ARHGAP21: variants seen among roughly 807,000 people sequenced by gnomAD.
ARHGAP21 encodes Rho GTPase activating protein 21.
ARHGAP21 carries 38 observed loss-of-function variants against 164.6 expected under a neutral mutation model. The observed-to-expected ratio is 0.23, with a 90% CI of 0.18 to 0.30. The LOEUF (loss-of-function observed/expected upper bound fraction) is 0.30, where lower values mean the gene tolerates loss of function less well. Among genes scored for constraint, ARHGAP21 ranks in the 10% least tolerant of loss-of-function variants. The probability of loss-of-function intolerance (pLI) is 1.00; values close to 1 mark genes in which losing one functional copy is unlikely to be tolerated. For synonymous variants in ARHGAP21, 766 were observed against 857.9 expected, an observed-to-expected ratio of 0.89 and a Z score of 1.87; for missense variants, 1,822 against 2,370.7, an observed-to-expected ratio of 0.77 and a Z score of 4.81.
Position 24,584,024 on chromosome 10 carries a change from CTAATTT to C in ARHGAP21, c.*382_*387del, listed in dbSNP as rs1343572274. ...CGTTTATTCAATGTAAGTAAGTTAT[CTAATTT>C]TAACAATATGGCACCCTAAAAACCA... On this transcript the variant is annotated 3_prime_UTR_variant, in exon 26 of 26. Transcript: ENST00000396432. The C allele has an allele frequency of 3.9e-5, 6 of 152,774 alleles. No homozygotes were observed. Among genetic ancestry groups the C allele is most frequent in the African/African-American group, 1.4e-4 (6 of 41,416 alleles). The allele number at this position is 152,774 out of a possible 1,614,324, so 9.5% of individuals were successfully genotyped here. A position where few individuals can be genotyped will look rare whatever the true frequency, so the allele number is the denominator to read the frequency against.
At chr10:24,710,647 A>AT (rs1294064885) in intron 2 of ARHGAP21, among the ~76,000 whole-genome samples, 1 of 152,206 alleles carries the variant, frequency 6.6e-6, no homozygotes, top group Non-Finnish European at 1.5e-5. Context: ...TGTTTGTTGA[A>AT]TTTGTTAATA....
Position 24,670,372 on chromosome 10 carries a change from T to G in ARHGAP21, c.89A>C (p.Glu30Ala). The change falls in exon 3 of 26, where the codon GAA (glutamate) becomes GCA (alanine). Residue 30 changes from glutamate to alanine, a missense_variant. This residue lies in a region of ARHGAP21 where 1,090 missense variants were observed against 1,378.9 expected (regional missense o/e 0.79). Transcript: ENST00000396432. ...AGACAGTGATACAGTTTCACTTTGT[T>G]CTTTTCCATCTTTATTTTTTGAGAC... Reference protein sequence around the residue: ...CEVSKNKDGKEQSETVSLSED... With the variant: ...CEVSKNKDGKAQSETVSLSED... The G allele has an allele frequency of 6.3e-7, 1 of 1,595,266 alleles. No homozygotes were observed. Among genetic ancestry groups the G allele is most frequent in the Admixed American group, 1.7e-5 (1 of 58,424 alleles).
chr10:24,588,478 A>G (rs922708686), intron 25 of ARHGAP21, among the ~76,000 whole-genome samples: 2 of 135,978 alleles, frequency 1.5e-5, no homozygotes, highest in South Asian at 4.8e-4. Context: ...GATAAACATC[A>G]CAAGTAATAG....
At chr10:24,681,634 T>C (rs1465629975) in intron 2 of ARHGAP21, among the ~76,000 whole-genome samples, 2 of 152,026 alleles carry the variant, frequency 1.3e-5, no homozygotes, top group African/African-American at 2.4e-5. Flanking sequence ...TTGGAAAGCA[T>C]TTTGTCTTTT....
intron 2 of ARHGAP21, among the ~76,000 whole-genome samples, chr10:24,687,323 C>A (rs1842306731): frequency 6.6e-6 from 1 of 152,202 alleles, no homozygotes; most frequent in Non-Finnish European, 1.5e-5. Flanking sequence ...TAGTGCCCAA[C>A]ACAAAACCTG....
rs959404016 is a variant in ARHGAP21 at position 24,607,772 on chromosome 10, T to G, written c.2554A>C (p.Ile852Leu). 1 of 1,614,018 alleles carries G rather than the reference T, an allele frequency of 6.2e-7. No individual in the cohort carries two copies. The highest frequency in any genetic ancestry group is 8.5e-7 in the Non-Finnish European group (1 of 1,179,998). ...TGGTCATGTGAGAGCTGACGGCGAA[T>G]TAATGGAGCTGAAGTTGTGAGGCAA... ...PPCLTTSAPL[I>L]RRQLSHDHES... Residue 852 changes from isoleucine (I) to leucine (L), a missense_variant, in exon 10 of 26, where the codon ATT becomes CTT. Around this residue, in one of 5 missense-constraint regions of ARHGAP21, gnomAD observed 1,090 missense variants for 1,378.9 expected, o/e 0.79. Transcript: ENST00000396432.
intron 4 of ARHGAP21, among the ~76,000 whole-genome samples, chr10:24,637,383 C>CTA (rs1421380687): frequency 6.6e-6 from 1 of 152,210 alleles, no homozygotes; most frequent in Non-Finnish European, 1.5e-5. Flanking sequence ...GAAAAAACAT[C>CTA]TATCTTCTTG....
At chr10:24,617,319 ATTG>A (rs1306635786) in intron 9 of ARHGAP21, among the ~76,000 whole-genome samples, 1 of 152,178 alleles carries the variant, frequency 6.6e-6, no homozygotes, top group African/African-American at 2.4e-5. Flanking sequence ...ATCTGATTAT[ATTG>A]TTGTTATTAT....
At chr10:24,622,791 A>C (rs768054410) in intron 7 of ARHGAP21, 29 bp from the exon 8 acceptor site, 4 of 1,602,482 alleles carry the variant, frequency 2.5e-6, no homozygotes, top group Non-Finnish European at 2.6e-6. Context: ...ACATAGTAGA[A>C]GCTGCTTACT....
chr10:24,715,381 T>C (rs1845266373), intron 2 of ARHGAP21, among the ~76,000 whole-genome samples: 1 of 152,174 alleles, frequency 6.6e-6, no homozygotes, highest in African/African-American at 2.4e-5. Flanking sequence ...ATAAGGAACA[T>C]CCATATACTA....
chr10:24,633,835 C>T (rs1470241928), intron 5 of ARHGAP21, among the ~76,000 whole-genome samples: 1 of 149,124 alleles, frequency 6.7e-6, no homozygotes, highest in Non-Finnish European at 1.5e-5. Flanking sequence ...CAGTTGTTTC[C>T]TGAGTTGCAG....
chr10:24,623,756 T>G (rs1593066388), intron 7 of ARHGAP21, among the ~76,000 whole-genome samples: 1 of 152,240 alleles, frequency 6.6e-6, no homozygotes, highest in Non-Finnish European at 1.5e-5. Flanking sequence ...GCAAGCTTTT[T>G]GATTTCTCAA....
intron 21 of ARHGAP21, 32 bp downstream of exon 21, chr10:24,594,918 A>G: frequency 6.5e-7 from 1 of 1,533,930 alleles, no homozygotes; most frequent in East Asian, 2.3e-5. Flanking sequence ...AAGCCACTAA[A>G]AGTACATTTC....
chr10:24,679,836 G>C (rs2131875183), intron 2 of ARHGAP21, among the ~76,000 whole-genome samples: 1 of 152,224 alleles, frequency 6.6e-6, no homozygotes, highest in African/African-American at 2.4e-5. Flanking sequence ...ACAACGTGCA[G>C]GTTTGTTACA....
At chr10:24,603,730 G>C (rs1424495820) in intron 12 of ARHGAP21, among the ~76,000 whole-genome samples, 3 of 152,162 alleles carry the variant, frequency 2.0e-5, no homozygotes, top group East Asian at 3.9e-4. Context: ...GGGGATGGTG[G>C]CTCACACCTG....
chr10:24,608,456 A>G (rs1398315617), intron 9 of ARHGAP21, among the ~76,000 whole-genome samples: 1 of 152,188 alleles, frequency 6.6e-6, no homozygotes, highest in Non-Finnish European at 1.5e-5. Context: ...CTCTTATAAA[A>G]ACATCAGTGA....
chr10:24,679,771 CAA>C (rs1841596779), intron 2 of ARHGAP21, among the ~76,000 whole-genome samples: 1 of 152,100 alleles, frequency 6.6e-6, no homozygotes, highest in South Asian at 2.1e-4. Context: ...TTTTAGAGCA[CAA>C]AAGAGTCTTT....
chr10:24,600,860 T>C lies in ARHGAP21; in HGVS notation c.2918A>G (p.Tyr973Cys). 1.2e-6 allele frequency: 2 copies of C among 1,614,238 alleles called. No homozygotes were observed. The highest frequency in any genetic ancestry group is 1.7e-6 in the Non-Finnish European group (2 of 1,180,014). The change falls in exon 14 of 26, where the codon TAC becomes TGC. Residue 973 changes from tyrosine to cysteine, a missense_variant. Physicochemically the swap from Tyr to Cys is radical, Grantham distance 194. Coordinates refer to ENST00000396432, the MANE Select transcript of ARHGAP21 (RefSeq NM_020824.4). ...AGTCGTCTGCTCTCTTTTATCTTTG[T>C]ACAGGTAAAGTGAATGACCCCGAAG... ...VVLRGHSLYL[Y>C]KDKREQTTPS... is the part of the protein sequence containing the mutation.
At chr10:24,596,615 G>A in intron 17 of ARHGAP21, 125 bp downstream of exon 17, 5 of 1,323,648 alleles carry the variant, frequency 3.8e-6, no homozygotes, top group Non-Finnish European at 5.2e-6. Flanking sequence ...GGGAAACTAA[G>A]GTCTGCTATG....
Sources: allele counts gnomAD v4.1 joint callset (sites outside exome capture counted in the v4.1 genomes callset), GRCh38; gene constraint gnomAD v4.1.1; regional missense constraint gnomAD v4.1.1; transcripts MANE v1.5; gene names NCBI Gene and HGNC (gene_info 2026-07-23, HGNC 2026-07-21).